Variants in TCF20 observed in about 807,000 individuals in gnomAD.
TCF20 encodes the protein SPRE-binding protein.
In TCF20, 3 loss-of-function variants were observed where a neutral mutation model predicts 148.6. The observed-to-expected ratio is 0.02, with a 90% CI of 0.01 to 0.05. TCF20 has a LOEUF of 0.05. TCF20 is among the 10% of genes least tolerant of loss of function. The pLI, the probability that TCF20 is intolerant of heterozygous loss-of-function variation, is 1.00. For missense variants in TCF20, 2,350 were observed against 2,429.3 expected, an observed-to-expected ratio of 0.97 and a Z score of 0.69; for synonymous variants, 1,049 against 909.5, an observed-to-expected ratio of 1.15 and a Z score of -2.76.
intron 1 of TCF20, among the ~76,000 whole-genome samples, chr22:42,269,124 A>T (rs967064093): frequency 6.6e-6 from 1 of 152,184 alleles, no homozygotes; most frequent in African/African-American, 2.4e-5. Flanking sequence ...AATTCAGTGT[A>T]GCTTCCCCAT....
At chr22:42,289,659 G>C (rs1927097575) in intron 1 of TCF20, among the ~76,000 whole-genome samples, 1 of 152,210 alleles carries the variant, frequency 6.6e-6, no homozygotes, top group Admixed American at 6.5e-5. Context: ...TAAAGGGAGA[G>C]AAAGGCCTGA....
chr22:42,208,532 G>A (rs1938542434), intron 2 of TCF20, among the ~76,000 whole-genome samples: 1 of 152,124 alleles, frequency 6.6e-6, no homozygotes, highest in East Asian at 1.9e-4. Context: ...GAGCCCCAGA[G>A]TTCGAGAATG....
chr22:42,166,382 A>G (rs1935788351), intron 5 of TCF20, among the ~76,000 whole-genome samples: 1 of 152,186 alleles, frequency 6.6e-6, no homozygotes, highest in African/African-American at 2.4e-5. Flanking sequence ...TCAAGGCGGG[A>G]AGATCACTTG....
At chr22:42,306,002 C>T (rs1476186521) in intron 1 of TCF20, among the ~76,000 whole-genome samples, 3 of 152,224 alleles carry the variant, frequency 2.0e-5, no homozygotes. Flanking sequence ...TTGCCTCCCC[C>T]TCCCCACTGA....
chr22:42,198,348 T>A (rs148122840), intron 2 of TCF20, among the ~76,000 whole-genome samples: 92 of 152,314 alleles, frequency 6.0e-4, no homozygotes, highest in African/African-American at 2.2e-3. Context: ...ATGTGGTAAT[T>A]CACGTATAGT....
intron 1 of TCF20, among the ~76,000 whole-genome samples, chr22:42,324,149 T>C (rs1448850113): frequency 3.9e-4 from 29 of 73,762 alleles, no homozygotes; most frequent in African/African-American, 1.4e-3. Flanking sequence ...GTGGTGGTGA[T>C]AGAGGTTATG....
chr22:42,298,493 C>G (rs1213794391), intron 1 of TCF20, among the ~76,000 whole-genome samples: 1 of 152,230 alleles, frequency 6.6e-6, no homozygotes, highest in Non-Finnish European at 1.5e-5. Context: ...CCGAAGCCTC[C>G]TTGGCTATCA....
chr22:42,199,579 G>T (rs910885205), intron 2 of TCF20, among the ~76,000 whole-genome samples: 5 of 151,734 alleles, frequency 3.3e-5, no homozygotes, highest in African/African-American at 1.2e-4. Flanking sequence ...TATTTTAAAA[G>T]TCTAAACAGG....
At position 42,174,720 on chromosome 22, in the gene TCF20, A is replaced by T. The variant is rs527928520; in HGVS notation, c.5750-4824T>A. Among the ~76,000 whole-genome samples, 468 of 147,346 alleles carry T rather than the reference A, an allele frequency of 3.2e-3. 2 individuals carry two copies. The highest frequency in any genetic ancestry group is 0.01 in the African/African-American group (421 of 40,460). On this transcript the variant is annotated intron_variant, in intron 3 of 5. Transcript: ENST00000677622. ...ACAGTGAGACCCTGTCTCAAAAAAAATTTTTTTTTTTTTCACTTAAAAGCC... is the reference window on the plus strand; with the variant it reads ...ACAGTGAGACCCTGTCTCAAAAAAATTTTTTTTTTTTTTCACTTAAAAGCC...
chr22:42,210,443 C>T lies in TCF20; in HGVS notation c.4863G>A (p.Leu1621=). The T allele has an allele frequency of 6.2e-7, 1 of 1,614,244 alleles. No individual in the cohort carries two copies. The highest frequency in any genetic ancestry group is 8.5e-7 in the Non-Finnish European group (1 of 1,180,054). The change falls in exon 2 of 6, where the codon CTG becomes CTA. Residue 1621 remains leucine (L), a synonymous_variant. Coordinates refer to ENST00000677622, the MANE Select transcript of TCF20 (RefSeq NM_001378418.1). The surrounding 1 kb of genome is among the most constrained non-coding windows in gnomAD (Gnocchi z 4.7). The part of the protein sequence containing the change: ...EIKLKYATQP[L]DKTDAKNKSF... ...ACTTGTTCTTGGCATCAGTTTTATC[C>T]AGTGGCTGGGTGGCATATTTTAGTT...
At chr22:42,263,597 G>T (rs1164588585) in intron 1 of TCF20, among the ~76,000 whole-genome samples, 1 of 152,106 alleles carries the variant, frequency 6.6e-6, no homozygotes, top group Non-Finnish European at 1.5e-5. Flanking sequence ...CATGGCCAAG[G>T]AAGTTTCTCC....
intron 1 of TCF20, among the ~76,000 whole-genome samples, chr22:42,300,457 C>T (rs138767930): frequency 5.7e-4 from 87 of 152,224 alleles, no homozygotes; most frequent in Non-Finnish European, 7.8e-4. Context: ...CCCAGAACCT[C>T]GGTCACCTCC....
intron 1 of TCF20, among the ~76,000 whole-genome samples, chr22:42,324,256 AG>A (rs1927828630): frequency 7.4e-6 from 1 of 134,504 alleles, no homozygotes; most frequent in African/African-American, 2.6e-5. Flanking sequence ...TATTATTGGA[AG>A]GGGAAGGGAA....
At chr22:42,258,858 T>C (rs1019543220) in intron 1 of TCF20, among the ~76,000 whole-genome samples, 5 of 152,178 alleles carry the variant, frequency 3.3e-5, no homozygotes, top group African/African-American at 1.2e-4. Context: ...GAAGTATTTA[T>C]ATTAAAAGAA....
intron 1 of TCF20, among the ~76,000 whole-genome samples, chr22:42,254,881 C>A (rs1013154548): frequency 7.1e-6 from 1 of 140,882 alleles, no homozygotes; most frequent in South Asian, 2.3e-4. Context: ...AGGAGAATGG[C>A]GTGAACCTGG....
chr22:42,338,507 G>A lies in TCF20; in HGVS notation c.-37+4972C>T, dbSNP rs186857280. On this transcript the variant is annotated intron_variant, in intron 1 of 1. Transcript: ENST00000515426. The surrounding 1 kb of genome is among the most constrained non-coding windows in gnomAD (Gnocchi z 4.0). ...CCACTCGGCCAATCCCGAAGAGCTC[G>A]CTCAGGGGCTGCGAGTGGAAGGGCT... Among the ~76,000 whole-genome samples, 5 of 152,326 alleles carry A rather than the reference G, an allele frequency of 3.3e-5. No homozygotes were observed. The highest frequency in any genetic ancestry group is 7.2e-5 in the African/African-American group (3 of 41,576).
intron 1 of TCF20, among the ~76,000 whole-genome samples, chr22:42,329,010 T>A (rs2147056790): frequency 6.6e-6 from 1 of 152,308 alleles, no homozygotes; most frequent in South Asian, 2.1e-4. Context: ...CACATGGGTC[T>A]CCCAGCACCC....
intron 3 of TCF20, among the ~76,000 whole-genome samples, chr22:42,170,653 A>AAAAAAAAAAG: frequency 6.7e-6 from 1 of 148,812 alleles, no homozygotes; most frequent in Non-Finnish European, 1.5e-5. Flanking sequence ...AAAAAAAAAA[A>AAAAAAAAAAG]AAGACTGAAA....
At chr22:42,284,197 G>A (rs1341022630), upstream of TCF20, among the ~76,000 whole-genome samples, 1 of 152,184 alleles carries the variant, frequency 6.6e-6, no homozygotes, top group Non-Finnish European at 1.5e-5. Context: ...TGCCAGCGTG[G>A]AGGGGGGCAG....
Sources: allele counts gnomAD v4.1 joint callset (sites outside exome capture counted in the v4.1 genomes callset), GRCh38; gene constraint gnomAD v4.1.1; non-coding constraint Gnocchi (gnomAD v3.1); transcripts MANE v1.5; gene names NCBI Gene and HGNC (gene_info 2026-07-23, HGNC 2026-07-21).